The following FCHO1 variants were observed in gnomAD, a reference collection of about 807,000 sequenced individuals.
The protein encoded by FCHO1 is FCH and mu domain containing endocytic adaptor 1, also known as F-BAR domain only protein 1.
In FCHO1, 45 loss-of-function variants were observed where a neutral mutation model predicts 114.4. That is an observed-to-expected ratio of 0.39 (90% CI 0.31 to 0.50). The LOEUF (loss-of-function observed/expected upper bound fraction) is 0.50. Ranked by LOEUF, FCHO1 falls within the 20% of genes least tolerant of loss-of-function variation. The probability of loss-of-function intolerance (pLI) is 0.77; values close to 1 mark genes in which losing one functional copy is unlikely to be tolerated. For missense variants in FCHO1, 1,042 were observed against 1,209.6 expected (o/e 0.86, Z 2.06); for synonymous variants, 480 against 488.9 (o/e 0.98, Z 0.24).
rs1239839370 is a variant in FCHO1, at chr19:17,778,904, G to C, written c.1627+20G>C. 3 of 1,520,528 alleles carry C rather than the reference G, an allele frequency of 2.0e-6. No homozygotes were observed. The African/African-American group carries it at 4.1e-5, about 21-fold the overall frequency. 94.2% of individuals were successfully genotyped at this position (1,520,528 alleles called of 1,614,324 possible). A position where few individuals can be genotyped will look rare whatever the true frequency, so the allele number is the denominator to read the frequency against. On this transcript the variant is annotated intron_variant, in intron 20 of 28. Coordinates refer to ENST00000596536, the MANE Select transcript of FCHO1 (RefSeq NM_015122.3). ...GAGGAGGTGAGTCCAGCGGGCCTGG[G>C]CCTGAGAGTTGCTGGAACCCTGGGC...
Position 17,776,124 on chromosome 19 carries a change from C to G in FCHO1, c.1145C>G (p.Ala382Gly). The G allele has an allele frequency of 1.2e-6, 2 of 1,613,216 alleles. No homozygotes were observed. Among genetic ancestry groups the G allele is most frequent in the South Asian group, 1.1e-5 (1 of 91,062 alleles). The change falls in exon 16 of 29, where the codon GCC (alanine) becomes GGC (glycine). Residue 382 changes from alanine (A) to glycine (G), a missense_variant. Physicochemically the swap from Ala to Gly is moderately conservative, Grantham distance 60. Around this residue, in one of 3 missense-constraint regions of FCHO1, gnomAD observed 450 missense variants for 564.1 expected, o/e 0.80. Coordinates refer to ENST00000596536, the MANE Select transcript of FCHO1 (RefSeq NM_015122.3). This position sits in a 1 kb window ranked among gnomAD's most constrained non-coding sequence, Gnocchi z 4.4. ...SPEAAAAQLR[A>G]TAGSLILPPG... ...GAGGCAGCAGCGGCACAGCTCAGGGCCACCGCGGGCAGCCTCATCCTTCCT... is the reference window on the plus strand; with the variant it reads ...GAGGCAGCAGCGGCACAGCTCAGGGGCACCGCGGGCAGCCTCATCCTTCCT...
At chr19:17,768,066 T>G (rs529380210) in intron 7 of FCHO1, among the ~76,000 whole-genome samples, 3 of 152,254 alleles carry the variant, frequency 2.0e-5, no homozygotes, top group African/African-American at 7.2e-5. Context: ...TGTTTTTGTT[T>G]TGTTTTGTTT....
At chr19:17,758,526 G>A (rs1194793775) in intron 4 of FCHO1, among the ~76,000 whole-genome samples, 1 of 152,170 alleles carries the variant, frequency 6.6e-6, no homozygotes, top group Non-Finnish European at 1.5e-5. Context: ...TCAGCATCTG[G>A]TGGGCAATAG....
rs1260656712 is a variant in FCHO1 at position 17,775,707 on chromosome 19, T to G, written c.1003+194T>G. ...GGCAAGAGGGAGAGAGAAAAGGAGA[T>G]CTAGCAGGGCTTCCTGGAGGAGGGG... On this transcript the variant is annotated intron_variant, in intron 15 of 28. Transcript: ENST00000596536. This position sits in a 1 kb window ranked among gnomAD's most constrained non-coding sequence, Gnocchi z 5.1. Among the ~76,000 whole-genome samples the G allele has an allele frequency of 2.6e-5, 4 of 151,466 alleles. No individual in the cohort carries two copies. The highest frequency in any genetic ancestry group is 5.9e-5 in the Non-Finnish European group (4 of 67,968).
chr19:17,769,369 G>A (rs956105412), intron 7 of FCHO1, among the ~76,000 whole-genome samples: 2 of 151,000 alleles, frequency 1.3e-5, no homozygotes, highest in African/African-American at 4.9e-5. Flanking sequence ...GAGGTCAGGA[G>A]ATCGAGACCA....
intron 5 of FCHO1, 117 bp downstream of exon 5, chr19:17,762,970 G>A (rs934515770): frequency 3.0e-6 from 2 of 676,456 alleles, no homozygotes; most frequent in Non-Finnish European, 5.2e-6. Context: ...CCAGGAACCA[G>A]AGGGGCTCGA....
intron 9 of FCHO1, among the ~76,000 whole-genome samples, chr19:17,771,898 C>T (rs375048547): frequency 3.0e-4 from 45 of 151,970 alleles, no homozygotes; most frequent in East Asian, 5.9e-4. Flanking sequence ...CTGCAACCTC[C>T]GCCTCCTGGG....
intron 4 of FCHO1, among the ~76,000 whole-genome samples, chr19:17,759,036 G>T (rs10427063): frequency 0.46 from 70,223 of 151,602 alleles, 16,728 homozygotes; most frequent in East Asian, 0.71. Flanking sequence ...AACCTGGTAG[G>T]TTGGAGGAGG....
rs8113218 is a variant in FCHO1, at chr19:17,762,287, A to C, written c.28-475A>C. On this transcript the variant is annotated intron_variant, in intron 4 of 28. Coordinates refer to ENST00000596536, the MANE Select transcript of FCHO1 (RefSeq NM_015122.3). The stretch of plus-strand genomic sequence containing the variant: ...GGGCGTGAGCCACCGTGCCCAGCTC[A>C]ACACACTTTTTTTTTTTTTTAAATA... Among the ~76,000 whole-genome samples the C allele has an allele frequency of 1.0e-2, 1,297 of 129,992 alleles. 18 individuals carry two copies. Among genetic ancestry groups the C allele is most frequent in the African/African-American group, 0.033 (1,238 of 37,522 alleles). 85.3% of individuals were successfully genotyped at this position (129,992 alleles called of 152,430 possible).
At chr19:17,782,462 C>T (rs567810770) in intron 23 of FCHO1, among the ~76,000 whole-genome samples, 45 of 152,278 alleles carry the variant, frequency 3.0e-4, no homozygotes, top group Non-Finnish European at 2.9e-4. Flanking sequence ...CCTCAGCCTC[C>T]CAAGGTGCTG....
intron 4 of FCHO1, chr19:17,755,507 T>TC (rs2083156444): frequency 8.1e-6 from 2 of 247,108 alleles, no homozygotes; most frequent in Non-Finnish European, 1.6e-5. Flanking sequence ...AAACTGAACT[T>TC]CCAGGACCCA....
At chr19:17,752,842 A>G (rs150896521) in intron 1 of FCHO1, among the ~76,000 whole-genome samples, 2,030 of 152,160 alleles carry the variant, frequency 0.013, 41 homozygotes, top group African/African-American at 0.045. Flanking sequence ...CGAGGCTGCC[A>G]TGAGCTGTGA....
At chr19:17,785,775 A>G (rs1328136494) in intron 26 of FCHO1, among the ~76,000 whole-genome samples, 1 of 148,882 alleles carries the variant, frequency 6.7e-6, no homozygotes, top group Non-Finnish European at 1.5e-5. Context: ...TGGAGGTTGC[A>G]GTGAGCTGAG....
rs542905243 is a variant in FCHO1 at position 17,756,737 on chromosome 19, T to C, written c.27+1546T>C. Among the ~76,000 whole-genome samples the C allele has an allele frequency of 2.0e-3, 307 of 152,286 alleles. 4 individuals carry two copies. Among genetic ancestry groups the C allele is most frequent in the Admixed American group, 0.017 (267 of 15,286 alleles). ...TCAGTTGCTAGTATTGAAGCCGCCA[T>C]AGAAGCCTGGTTCTTTGCTGGGTGG... On this transcript the variant is annotated intron_variant, in intron 4 of 28. Transcript: ENST00000596536.
chr19:17,766,440 T>TA, intron 6 of FCHO1: 1 of 478,126 alleles, frequency 2.1e-6, no homozygotes. Flanking sequence ...ATTCCAGCTC[T>TA]AATGTTGATT....
chr19:17,755,298 G>A (rs2083079773), intron 4 of FCHO1, 107 bp downstream of exon 4: 1 of 999,350 alleles, frequency 1.0e-6, no homozygotes. Flanking sequence ...ACAGGTAGAG[G>A]ATCTGCAAGG....
Position 17,775,339 on chromosome 19 carries a change from G to T in FCHO1, c.946-117G>T. 9.5e-7 allele frequency: 1 copy of T among 1,049,082 alleles called. No individual in the cohort carries two copies. Among genetic ancestry groups the T allele is most frequent in the Admixed American group, 1.7e-5 (1 of 57,336 alleles). 65.0% of individuals were successfully genotyped at this position (1,049,082 alleles called of 1,614,324 possible). A position where few individuals can be genotyped will look rare whatever the true frequency, so the allele number is the denominator to read the frequency against. On this transcript the variant is annotated intron_variant, in intron 14 of 28. Coordinates refer to ENST00000596536, the MANE Select transcript of FCHO1 (RefSeq NM_015122.3). The surrounding 1 kb of genome is among the most constrained non-coding windows in gnomAD (Gnocchi z 5.1). ...CAGGGAAGACAGTCGTTGCCATCAG[G>T]GTTGGTTTTGAGGTCTGAGTCAAGG... is the stretch of plus-strand genomic sequence containing the variant.
intron 21 of FCHO1, 29 bp from the exon 22 acceptor site, chr19:17,781,423 A>G: frequency 6.2e-7 from 1 of 1,613,466 alleles, no homozygotes; most frequent in Non-Finnish European, 8.5e-7. Flanking sequence ...TGGGGCACTC[A>G]CAGCCAAGAT....
intron 9 of FCHO1, 124 bp downstream of exon 9, chr19:17,771,020 G>A (rs752267526): frequency 9.3e-5 from 68 of 728,650 alleles, no homozygotes; most frequent in Non-Finnish European, 1.3e-4. Context: ...TTGGGAGGCC[G>A]AGGCGGGAGG....
Sources: gnomAD v4.1 joint callset for allele counts (sites outside exome capture counted in the v4.1 genomes callset) on GRCh38, gnomAD v4.1.1 for gene constraint, gnomAD v4.1.1 regional missense constraint, Gnocchi (gnomAD v3.1) non-coding constraint, MANE v1.5 for transcripts, NCBI Gene and HGNC (gene_info 2026-07-23, HGNC 2026-07-21) for gene names.